SERF2: variants seen among roughly 807,000 people sequenced by gnomAD.
SERF2 encodes gastric cancer-related protein VRG107.
Under a neutral mutation model 10.7 loss-of-function variants are expected in SERF2, and 4 were observed. The ratio of observed to expected loss-of-function variants is 0.37; its 90% confidence interval spans 0.18 to 0.86. SERF2 has a LOEUF of 0.86. Ranked by LOEUF, SERF2 falls within the 40% of genes least tolerant of loss-of-function variation. The pLI is 0.43. For missense variants in SERF2, 47 were observed against 79.1 expected, an observed-to-expected ratio of 0.59 and a Z score of 1.54; for synonymous variants, 26 against 26.0, an observed-to-expected ratio of 1.00 and a Z score of 0.01.
rs16964249 is a variant in SERF2, at chr15:43,794,208, A to G, written c.*435A>G. On this transcript the variant is annotated 3_prime_UTR_variant, in exon 3 of 3. Coordinates refer to ENST00000249786, the MANE Select transcript of SERF2 (RefSeq NM_001018108.4). ...AGCCTTTATTATACAATGACAACCAAACAAGTACTCCGGATATGCAGTAGA... is the reference window on the plus strand; with the variant it reads ...AGCCTTTATTATACAATGACAACCAGACAAGTACTCCGGATATGCAGTAGA... 825 of 498,074 alleles carry G rather than the reference A, an allele frequency of 1.7e-3. 8 individuals carry two copies. The highest frequency in any genetic ancestry group is 0.014 in the African/African-American group (732 of 51,664). The allele number at this position is 498,074 out of a possible 1,614,324, so 30.9% of individuals were successfully genotyped here.
At chr15:43,781,459 G>T (rs2086963325) in intron 1 of SERF2, among the ~76,000 whole-genome samples, 1 of 152,040 alleles carries the variant, frequency 6.6e-6, no homozygotes, top group African/African-American at 2.4e-5. Flanking sequence ...GGAGGAGACA[G>T]GAGAATCACT....
rs1220925371 is a variant in SERF2, at chr15:43,795,208, T to C, written c.*1435T>C. 6.2e-7 allele frequency: 1 copy of C among 1,613,912 alleles called. No individual in the cohort carries two copies. On this transcript the variant is annotated 3_prime_UTR_variant, in exon 3 of 3. Coordinates refer to ENST00000249786, the MANE Select transcript of SERF2 (RefSeq NM_001018108.4). ...GAAGGTCTTTTCCAGTTCTGCTCCC[T>C]CATAGCTGTGTAACCAAAGGCTCTG...
rs931019896 is a variant in SERF2 at position 43,794,832 on chromosome 15, A to G, written c.*1059A>G. On this transcript the variant is annotated 3_prime_UTR_variant, in exon 3 of 3. Transcript: ENST00000249786. Reference sequence around the variant, plus strand: ...CTCCAGTGAGTCAGACACTCTGCCCAGCACATTAGACTGTGTTTGACCACT... The same window carrying G: ...CTCCAGTGAGTCAGACACTCTGCCCGGCACATTAGACTGTGTTTGACCACT... 1.6e-6 allele frequency: 1 copy of G among 608,574 alleles called. No homozygotes were observed. The highest frequency in any genetic ancestry group is 2.7e-5 in the East Asian group (1 of 36,892). 37.7% of individuals were successfully genotyped at this position (608,574 alleles called of 1,614,324 possible). A position where few individuals can be genotyped will look rare whatever the true frequency, so the allele number is the denominator to read the frequency against.
At chr15:43,778,623 G>A (rs2086941804) in intron 1 of SERF2, among the ~76,000 whole-genome samples, 1 of 145,394 alleles carries the variant, frequency 6.9e-6, no homozygotes, top group Non-Finnish European at 1.5e-5. Context: ...AAAGAGGCTG[G>A]GTGCGGTAGC....
At chr15:43,787,316 C>T (rs1281521414) in intron 2 of SERF2, among the ~76,000 whole-genome samples, 2 of 151,746 alleles carry the variant, frequency 1.3e-5, no homozygotes, top group Non-Finnish European at 2.9e-5. Flanking sequence ...GGTTCTTAAA[C>T]CAATCAATAT....
chr15:43,788,823 A>T, upstream of SERF2, among the ~76,000 whole-genome samples: 1 of 152,140 alleles, frequency 6.6e-6, no homozygotes, highest in East Asian at 1.9e-4. Flanking sequence ...GGATAATGAC[A>T]CCTCCAAAGG....
intron 2 of SERF2, chr15:43,793,428 A>G (rs368531963): frequency 2.5e-5 from 19 of 769,936 alleles, no homozygotes; most frequent in Admixed American, 3.1e-5. Context: ...CCTTCTCCCA[A>G]CCTCCTCACT....
In SERF2 at chr15:43,792,326, C is replaced by G. The variant is rs1297028545; in HGVS notation, c.-51C>G. The stretch of plus-strand genomic sequence containing the variant: ...CAGAAGGGGCGGGACCTGCAACGTC[C>G]GACAGAACGAGGGGACGTAACGGAG... On this transcript the variant is annotated 5_prime_UTR_variant, in exon 1 of 3. Transcript: ENST00000249786. 1.3e-6 allele frequency: 2 copies of G among 1,490,338 alleles called. No individual in the cohort carries two copies. The highest frequency in any genetic ancestry group is 2.3e-5 in the East Asian group (1 of 44,196). 92.3% of individuals were successfully genotyped at this position (1,490,338 alleles called of 1,614,324 possible). A position where few individuals can be genotyped will look rare whatever the true frequency, so the allele number is the denominator to read the frequency against.
upstream of SERF2, among the ~76,000 whole-genome samples, chr15:43,789,635 T>C (rs189572779): frequency 4.6e-5 from 7 of 152,346 alleles, no homozygotes; most frequent in Admixed American, 2.0e-4. Context: ...GTGCTTAAGC[T>C]GTGTGCACTG....
rs754731664 is a variant in SERF2, at chr15:43,795,747, G to A, written c.*1974G>A. The A allele has an allele frequency of 6.2e-7, 1 of 1,613,062 alleles. No homozygotes were observed. The highest frequency in any genetic ancestry group is 2.2e-5 in the East Asian group (1 of 44,876). On this transcript the variant is annotated 3_prime_UTR_variant, in exon 3 of 3. Coordinates refer to ENST00000249786, the MANE Select transcript of SERF2 (RefSeq NM_001018108.4). ...ACACAGTGAGGGCTTCTGCAAAACA[G>A]AACGCAGGTTTTGGAATGGTCTTAA...
chr15:43,790,292 A>G (rs934859653), upstream of SERF2, among the ~76,000 whole-genome samples: 6 of 151,788 alleles, frequency 4.0e-5, no homozygotes, highest in Non-Finnish European at 7.4e-5. Context: ...AGCCTGGGTA[A>G]CAGAGTAAGA....
intron 2 of SERF2, among the ~76,000 whole-genome samples, chr15:43,786,173 T>C (rs1414823776): frequency 6.6e-6 from 1 of 151,778 alleles, no homozygotes; most frequent in Non-Finnish European, 1.5e-5. Context: ...CCCAGCACTT[T>C]GGGAGGCTGA....
chr15:43,778,874 C>T (rs903924113), intron 1 of SERF2, among the ~76,000 whole-genome samples: 11 of 152,130 alleles, frequency 7.2e-5, no homozygotes, highest in Non-Finnish European at 1.5e-4. Flanking sequence ...TCCACTCCAG[C>T]TTAGGCTGGA....
Position 43,794,830 on chromosome 15 carries a change from C to T in SERF2, c.*1057C>T. On this transcript the variant is annotated 3_prime_UTR_variant, in exon 3 of 3. Coordinates refer to ENST00000249786, the MANE Select transcript of SERF2 (RefSeq NM_001018108.4). ...AGCTCCAGTGAGTCAGACACTCTGC[C>T]CAGCACATTAGACTGTGTTTGACCA... 3.3e-6 allele frequency: 2 copies of T among 604,720 alleles called. No homozygotes were observed. Among genetic ancestry groups the T allele is most frequent in the Non-Finnish European group, 5.8e-6 (2 of 342,964 alleles). The allele number at this position is 604,720 out of a possible 1,614,324, so 37.5% of individuals were successfully genotyped here.
intron 1 of SERF2, 114 bp downstream of exon 1, chr15:43,792,497 C>T: frequency 1.3e-6 from 2 of 1,584,626 alleles, no homozygotes; most frequent in African/African-American, 1.3e-5. Flanking sequence ...TTTCTCTGGG[C>T]GCGCTCTGTG....
At chr15:43,780,594 A>G (rs1283803171) in intron 1 of SERF2, among the ~76,000 whole-genome samples, 1 of 152,146 alleles carries the variant, frequency 6.6e-6, no homozygotes, top group Admixed American at 6.6e-5. Context: ...AGCCCCTAGC[A>G]ACAACCACCC....
At chr15:43,786,930 C>G (rs550818094) in intron 2 of SERF2, among the ~76,000 whole-genome samples, 23 of 152,226 alleles carry the variant, frequency 1.5e-4, no homozygotes, top group African/African-American at 5.5e-4. Context: ...AGGCCACATG[C>G]TCACTCCTGA....
intron 2 of SERF2, among the ~76,000 whole-genome samples, chr15:43,785,949 G>T (rs980659192): frequency 4.6e-5 from 7 of 151,300 alleles, no homozygotes; most frequent in Non-Finnish European, 1.0e-4. Context: ...CAAGTGATCT[G>T]CCCGTCTCGG....
upstream of SERF2, chr15:43,791,909 G>T: frequency 5.1e-6 from 1 of 194,332 alleles, no homozygotes; most frequent in Non-Finnish European, 1.1e-5. Context: ...CACAAGTTTA[G>T]TAGTAGAGTA....
Sources: gnomAD v4.1 joint callset for allele counts (sites outside exome capture counted in the v4.1 genomes callset) on GRCh38, gnomAD v4.1.1 for gene constraint, MANE v1.5 for transcripts, NCBI Gene and HGNC (gene_info 2026-07-23, HGNC 2026-07-21) for gene names.